The following PAX5 variants were observed in gnomAD, a reference collection of about 807,000 sequenced individuals.
PAX5 encodes paired box 5, also known as paired box protein Pax-5.
Under a neutral mutation model 43.7 loss-of-function variants are expected in PAX5, and 9 were observed. The ratio of observed to expected loss-of-function variants is 0.21; its 90% CI spans 0.12 to 0.36. The LOEUF is 0.36. Among genes scored for constraint, PAX5 ranks in the 10% least tolerant of loss-of-function variants. PAX5 has a pLI of 1.00. For missense variants in PAX5, 383 were observed against 532.7 expected (o/e 0.72, Z 2.77); for synonymous variants, 228 against 214.3 (o/e 1.06, Z -0.56).
At chr9:36,894,994 A>G (rs559788960) in intron 7 of PAX5, among the ~76,000 whole-genome samples, 8 of 152,352 alleles carry the variant, frequency 5.3e-5, no homozygotes, top group Non-Finnish European at 1.0e-4. Context: ...GGGAACCCCA[A>G]CAGTCCTTCT....
At chr9:37,003,154 TAAAAAAAAAAAA>T (rs67081521) in intron 4 of PAX5, among the ~76,000 whole-genome samples, 2 of 75,830 alleles carry the variant, frequency 2.6e-5, no homozygotes, top group Admixed American at 2.9e-4. Context: ...AGTCAGTGCT[TAAAAAAAAAAAA>T]AAAAAAAAAA....
chr9:36,928,652 G>A lies in PAX5; in HGVS notation c.781-5168C>T, dbSNP rs113158197. The stretch of plus-strand genomic sequence containing the variant: ...TTTGAACAAGAGCACTAAGTGATAC[G>A]CTAACATCCCCTTCCCTCCTTCCAC... On this transcript the variant is annotated intron_variant, in intron 6 of 9. Coordinates refer to ENST00000358127, the MANE Select transcript of PAX5 (RefSeq NM_016734.3). Among the ~76,000 whole-genome samples, 1,501 of 152,232 alleles carry A rather than the reference G, an allele frequency of 9.9e-3. 20 individuals are homozygous for A. The highest frequency in any genetic ancestry group is 0.035 in the African/African-American group (1,467 of 41,534).
intron 5 of PAX5, among the ~76,000 whole-genome samples, chr9:36,989,966 A>AT (rs1298623292): frequency 2.0e-5 from 3 of 152,166 alleles, no homozygotes; most frequent in Admixed American, 2.0e-4. Flanking sequence ...GACAAATGTG[A>AT]TATTTTGATG....
intron 5 of PAX5, among the ~76,000 whole-genome samples, chr9:36,998,438 G>T (rs1329511268): frequency 1.3e-5 from 2 of 152,188 alleles, no homozygotes; most frequent in Non-Finnish European, 2.9e-5. Context: ...GGATAGTAGA[G>T]GTCCCTCCAC....
chr9:36,894,865 TAC>T (rs1827713732), intron 7 of PAX5, among the ~76,000 whole-genome samples: 2 of 152,212 alleles, frequency 1.3e-5, no homozygotes, highest in African/African-American at 4.8e-5. Context: ...CCCCACTGCT[TAC>T]ACACACAGCT....
At position 37,006,499 on chromosome 9, in the gene PAX5, G is replaced by T. The variant is rs1399236466; in HGVS notation, c.449C>A (p.Pro150Gln). The T allele has an allele frequency of 2.5e-6, 4 of 1,614,028 alleles. No individual in the cohort carries two copies. Among genetic ancestry groups the T allele is most frequent in the South Asian group, 1.1e-5 (1 of 91,072 alleles). ...RTKVQQPPNQ[P>Q]VPASSHSIVS... The stretch of plus-strand genomic sequence containing the variant: ...TATGCTGTGACTGGAAGCTGGGACT[G>T]GTTGGTTGGGTGGCTGCTGTACTTT... The change falls in exon 4 of 10, where the codon CCA becomes CAA. Residue 150 changes from proline to glutamine, a missense_variant. This residue lies in a region of PAX5 where 291 missense variants were observed against 342.5 expected (regional missense o/e 0.85). Transcript: ENST00000358127.
chr9:37,017,327 T>G (rs1588239143), intron 2 of PAX5, among the ~76,000 whole-genome samples: 1 of 152,196 alleles, frequency 6.6e-6, no homozygotes, highest in South Asian at 2.1e-4. Flanking sequence ...CTTGCCCAAC[T>G]CCCTTCTGTA....
Position 36,999,112 on chromosome 9 carries a change from A to C in PAX5, c.604+3536T>G, listed in dbSNP as rs536700748. Among the ~76,000 whole-genome samples the C allele has an allele frequency of 2.2e-4, 34 of 152,222 alleles. 1 individual carries two copies. In the South Asian group the frequency reaches 6.9e-3, roughly 31 times the overall value. ...CACATAGCTCAAAACTATCTCCCTA[A>C]ATGCTTCTAGACTAAATGTTCGAAA... is the stretch of plus-strand genomic sequence containing the variant. On this transcript the variant is annotated intron_variant, in intron 5 of 9. Coordinates refer to ENST00000358127, the MANE Select transcript of PAX5 (RefSeq NM_016734.3).
intron 1 of PAX5, among the ~76,000 whole-genome samples, chr9:37,025,533 G>GA (rs1564090774): frequency 6.6e-6 from 1 of 152,196 alleles, no homozygotes; most frequent in African/African-American, 2.4e-5. Context: ...CGAGGCTGCC[G>GA]AAGCCTGTCA....
intron 8 of PAX5, among the ~76,000 whole-genome samples, chr9:36,858,906 G>T (rs1244560693): frequency 2.0e-5 from 3 of 152,196 alleles, no homozygotes; most frequent in Non-Finnish European, 4.4e-5. Context: ...GAGACGGAGG[G>T]TGAAGGTGTC....
At chr9:36,917,232 C>A (rs974774127) in intron 7 of PAX5, among the ~76,000 whole-genome samples, 2 of 152,100 alleles carry the variant, frequency 1.3e-5, no homozygotes, top group Admixed American at 6.6e-5. Flanking sequence ...AACAAAGAAG[C>A]CTTCTCCTGC....
chr9:36,892,607 C>A (rs143383088), intron 7 of PAX5, among the ~76,000 whole-genome samples: 152 of 152,314 alleles, frequency 1.0e-3, no homozygotes, highest in African/African-American at 3.4e-3. Flanking sequence ...GTAGGTGAAT[C>A]ACAGAATACA....
chr9:36,938,437 C>T lies in PAX5; in HGVS notation c.781-14953G>A, dbSNP rs189228851. Among the ~76,000 whole-genome samples the T allele has an allele frequency of 9.9e-5, 15 of 152,248 alleles. No homozygotes were observed. The East Asian group carries it at 2.9e-3, about 29-fold the overall frequency. ...TTTAGACTCCTGATTTTATTTCCTT[C>T]ACCTCTTTCCCACAAATCAAAGCTC... is the stretch of plus-strand genomic sequence containing the variant. On this transcript the variant is annotated intron_variant, in intron 6 of 9. Coordinates refer to ENST00000358127, the MANE Select transcript of PAX5 (RefSeq NM_016734.3).
chr9:37,021,420 T>A (rs1457920291), intron 1 of PAX5, among the ~76,000 whole-genome samples: 1 of 152,214 alleles, frequency 6.6e-6, no homozygotes, highest in Non-Finnish European at 1.5e-5. Context: ...ACATGCAGAC[T>A]TGACCACTGT....
chr9:36,898,693 C>T (rs557875442), intron 7 of PAX5, among the ~76,000 whole-genome samples: 19 of 152,324 alleles, frequency 1.2e-4, no homozygotes, highest in South Asian at 6.2e-4. Flanking sequence ...GCCCGCTCTC[C>T]GAACACCAGC....
chr9:36,950,672 T>C (rs1379700317), intron 6 of PAX5, among the ~76,000 whole-genome samples: 1 of 152,176 alleles, frequency 6.6e-6, no homozygotes, highest in Non-Finnish European at 1.5e-5. Flanking sequence ...AGTCTGCTTC[T>C]GTTCCTTCTC....
At chr9:37,019,787 G>T (rs903477192) in intron 2 of PAX5, among the ~76,000 whole-genome samples, 1 of 152,168 alleles carries the variant, frequency 6.6e-6, no homozygotes, top group Non-Finnish European at 1.5e-5. Flanking sequence ...CACATGCCCA[G>T]AAACAAACCT....
At chr9:37,030,195 G>T (rs539840667) in intron 1 of PAX5, among the ~76,000 whole-genome samples, 5 of 152,274 alleles carry the variant, frequency 3.3e-5, no homozygotes, top group African/African-American at 9.6e-5. Context: ...GCCCCTTCCC[G>T]CAACTCTCGG....
chr9:36,863,195 G>A (rs770106669), intron 8 of PAX5, among the ~76,000 whole-genome samples: 11 of 152,232 alleles, frequency 7.2e-5, no homozygotes, highest in Non-Finnish European at 1.2e-4. Context: ...GGAGAAAAAC[G>A]TAAGGATAAG....
Sources: gnomAD v4.1 joint callset for allele counts (sites outside exome capture counted in the v4.1 genomes callset) on GRCh38, gnomAD v4.1.1 for gene constraint, gnomAD v4.1.1 regional missense constraint, MANE v1.5 for transcripts, NCBI Gene and HGNC (gene_info 2026-07-23, HGNC 2026-07-21) for gene names.